DENND1B: variants seen among roughly 807,000 people sequenced by gnomAD.
The protein encoded by DENND1B is DENN domain-containing protein 1B.
A neutral mutation model predicts 90.1 loss-of-function variants in DENND1B; 59 were observed. The observed-to-expected ratio is 0.65, with a 90% CI of 0.53 to 0.81. The LOEUF (loss-of-function observed/expected upper bound fraction) is 0.81. DENND1B is among the 40% of genes least tolerant of loss of function. The pLI is 0.00. For synonymous variants in DENND1B, 337 were observed against 324.6 expected, an observed-to-expected ratio of 1.04 and a Z score of -0.41; for missense variants, 862 against 912.6, an observed-to-expected ratio of 0.94 and a Z score of 0.71.
At chr1:197,522,636 A>T (rs1668854316) in intron 20 of DENND1B, among the ~76,000 whole-genome samples, 1 of 152,094 alleles carries the variant, frequency 6.6e-6, no homozygotes, top group African/African-American at 2.4e-5. Flanking sequence ...TTCCACTTCA[A>T]CTTAGAAGGT....
At chr1:197,634,686 T>G (rs1407706874) in intron 10 of DENND1B, among the ~76,000 whole-genome samples, 2 of 152,194 alleles carry the variant, frequency 1.3e-5, no homozygotes, top group African/African-American at 4.8e-5. Flanking sequence ...AGACAACACC[T>G]ACACAGAAAT....
At chr1:197,640,495 T>C (rs1680174861) in intron 10 of DENND1B, among the ~76,000 whole-genome samples, 1 of 151,044 alleles carries the variant, frequency 6.6e-6, no homozygotes, top group Non-Finnish European at 1.5e-5. Context: ...AAATTAAATA[T>C]AAACTATTAT....
chr1:197,759,139 T>C (rs1244990993), intron 2 of DENND1B, among the ~76,000 whole-genome samples: 3 of 151,222 alleles, frequency 2.0e-5, no homozygotes, highest in Non-Finnish European at 4.4e-5. Flanking sequence ...CCCAGCTAAC[T>C]TTTGTATTTT....
chr1:197,747,233 G>T (rs953964324), intron 2 of DENND1B: 1 of 665,204 alleles, frequency 1.5e-6, no homozygotes. Flanking sequence ...TACATATCTA[G>T]GGGAATTCCA....
intron 2 of DENND1B, chr1:197,734,902 T>A: frequency 1.0e-6 from 1 of 985,090 alleles, no homozygotes; most frequent in Non-Finnish European, 1.2e-6. Context: ...CATGGAGGAG[T>A]ATGTTCCTAC....
intron 15 of DENND1B, among the ~76,000 whole-genome samples, chr1:197,555,248 C>T (rs956659861): frequency 6.7e-6 from 1 of 148,346 alleles, no homozygotes; most frequent in African/African-American, 2.6e-5. Flanking sequence ...TAGAAGAAAA[C>T]CTTTCTTCCT....
At chr1:197,691,748 T>C (rs1657912478) in intron 3 of DENND1B, among the ~76,000 whole-genome samples, 1 of 151,952 alleles carries the variant, frequency 6.6e-6, no homozygotes, top group South Asian at 2.1e-4. Flanking sequence ...AAATGTGTTA[T>C]ATACATACAA....
At chr1:197,772,476 G>A (rs554963534) in intron 2 of DENND1B, among the ~76,000 whole-genome samples, 1 of 152,264 alleles carries the variant, frequency 6.6e-6, no homozygotes, top group South Asian at 2.1e-4. Flanking sequence ...CCATGTTCCA[G>A]CAGTCCACAA....
chr1:197,606,077 G>C (rs915279560), intron 13 of DENND1B: 9 of 150,712 alleles, frequency 6.0e-5, no homozygotes, highest in South Asian at 2.1e-4. Context: ...TTTTTAAAAA[G>C]GAAGTTATTT....
chr1:197,634,927 A>G (rs1679642811), intron 10 of DENND1B, among the ~76,000 whole-genome samples: 1 of 152,140 alleles, frequency 6.6e-6, no homozygotes, highest in African/African-American at 2.4e-5. Context: ...TGCGGGCAGA[A>G]GCTGCAGTGG....
intron 3 of DENND1B, among the ~76,000 whole-genome samples, chr1:197,705,218 C>A (rs1659409543): frequency 6.6e-6 from 1 of 152,104 alleles, no homozygotes; most frequent in Non-Finnish European, 1.5e-5. Flanking sequence ...CTCTTCTGTA[C>A]AATTCAATAA....
Position 197,775,284 on chromosome 1 carries a change from C to G in DENND1B, c.-129G>C. 2 of 713,482 alleles carry G rather than the reference C, an allele frequency of 2.8e-6. No homozygotes were observed. Among genetic ancestry groups the G allele is most frequent in the Non-Finnish European group, 3.9e-6 (2 of 514,660 alleles). The allele number at this position is 713,482 out of a possible 1,614,324, so 44.2% of individuals were successfully genotyped here. On this transcript the variant is annotated 5_prime_UTR_variant, in exon 1 of 23. Transcript: ENST00000620048. ...GCCACACAGGGAAAGAGGCTGCTCA[C>G]AGCAGCCGTGGCGGCGGGCCCATGT...
At chr1:197,628,680 T>A (rs1679025924) in intron 10 of DENND1B, among the ~76,000 whole-genome samples, 1 of 151,868 alleles carries the variant, frequency 6.6e-6, no homozygotes, top group Non-Finnish European at 1.5e-5. Context: ...ACAAATGGGA[T>A]CTAATTAAAC....
intron 2 of DENND1B, chr1:197,735,031 T>A (rs928925111): frequency 4.1e-6 from 4 of 985,582 alleles, no homozygotes; most frequent in Non-Finnish European, 4.8e-6. Context: ...CATTCCTACT[T>A]CTGTAGAAAA....
chr1:197,648,972 C>T (rs982416036), intron 7 of DENND1B, among the ~76,000 whole-genome samples: 1 of 152,178 alleles, frequency 6.6e-6, no homozygotes, highest in Admixed American at 6.5e-5. Context: ...AACCTTTCCA[C>T]TTTGACAGTG....
At chr1:197,751,573 G>A (rs1375427940) in intron 2 of DENND1B, among the ~76,000 whole-genome samples, 4 of 152,144 alleles carry the variant, frequency 2.6e-5, no homozygotes, top group Admixed American at 2.0e-4. Flanking sequence ...GCCAGGCGCG[G>A]TGGCTCACAC....
At chr1:197,679,813 T>A (rs1486765600) in intron 3 of DENND1B, among the ~76,000 whole-genome samples, 1 of 149,268 alleles carries the variant, frequency 6.7e-6, no homozygotes, top group Non-Finnish European at 1.5e-5. Flanking sequence ...GGGTTGTTTT[T>A]TTTTTTTTTT....
At chr1:197,550,792 C>A (rs1253633050) in intron 16 of DENND1B, among the ~76,000 whole-genome samples, 1 of 150,196 alleles carries the variant, frequency 6.7e-6, no homozygotes, top group Non-Finnish European at 1.5e-5. Flanking sequence ...TGCACGTGTA[C>A]CCTAAAACTT....
intron 3 of DENND1B, among the ~76,000 whole-genome samples, chr1:197,703,303 T>C (rs1188783419): frequency 2.0e-5 from 3 of 150,780 alleles, no homozygotes; most frequent in Non-Finnish European, 3.0e-5. Context: ...GCTTTGCTTT[T>C]ACAAAAAAAA....
Sources: gnomAD v4.1 joint callset for allele counts (sites outside exome capture counted in the v4.1 genomes callset) on GRCh38, gnomAD v4.1.1 for gene constraint, MANE v1.5 for transcripts, NCBI Gene and HGNC (gene_info 2026-07-23, HGNC 2026-07-21) for gene names.